PDE9A: variants seen among roughly 807,000 people sequenced by gnomAD.
PDE9A encodes the protein phosphodiesterase 9A.
A neutral mutation model predicts 87.4 loss-of-function variants in PDE9A; 60 were observed. The observed-to-expected ratio is 0.69, with a 90% CI of 0.56 to 0.85. PDE9A has a LOEUF of 0.85. Among genes scored for constraint, PDE9A ranks in the 40% least tolerant of loss-of-function variants. PDE9A has a pLI of 0.00. For synonymous variants in PDE9A, 272 were observed against 279.4 expected (o/e 0.97, Z 0.27); for missense variants, 665 against 779.0 (o/e 0.85, Z 1.74).
Position 42,772,534 on chromosome 21 carries a change from T to G in PDE9A, c.1768+14T>G. On this transcript the variant is annotated intron_variant, in intron 19 of 19. Coordinates refer to ENST00000291539, the MANE Select transcript of PDE9A (RefSeq NM_002606.3). Reference sequence around the variant, plus strand: ...AAAACAGTGAAGGTAATGCTTGCTCTGCTGAAGTGGCATCTCAGCGCATAC... The same window carrying G: ...AAAACAGTGAAGGTAATGCTTGCTCGGCTGAAGTGGCATCTCAGCGCATAC... 4 of 1,552,614 alleles carry G rather than the reference T, an allele frequency of 2.6e-6. No homozygotes were observed. Among genetic ancestry groups the G allele is most frequent in the Non-Finnish European group, 3.5e-6 (4 of 1,133,068 alleles).
Position 42,711,365 on chromosome 21 carries a change from C to T in PDE9A, c.262+12354C>T, listed in dbSNP as rs184905092. ...TCCCGGGTTCAAGTGATTCTCCTGCCTCAGGCTCCCGAGTAACTAGGATTA... is the reference window on the plus strand; with the variant it reads ...TCCCGGGTTCAAGTGATTCTCCTGCTTCAGGCTCCCGAGTAACTAGGATTA... On this transcript the variant is annotated intron_variant, in intron 4 of 19. Coordinates refer to ENST00000291539, the MANE Select transcript of PDE9A (RefSeq NM_002606.3). Among the ~76,000 whole-genome samples the T allele has an allele frequency of 1.0e-3, 158 of 152,132 alleles. 1 individual carries two copies. The East Asian group carries it at 0.025, about 24-fold the overall frequency.
chr21:42,735,100 C>T (rs1022596606), intron 7 of PDE9A, among the ~76,000 whole-genome samples: 8 of 152,228 alleles, frequency 5.3e-5, no homozygotes, highest in African/African-American at 1.7e-4. Context: ...CCCAGGAAGG[C>T]TTGGGAACAG....
At position 42,704,829 on chromosome 21, in the gene PDE9A, C is replaced by T. The variant is rs2048691531; in HGVS notation, c.262+5818C>T. Among the ~76,000 whole-genome samples the T allele has an allele frequency of 6.6e-6, 1 of 152,266 alleles. No individual in the cohort carries two copies. Among genetic ancestry groups the T allele is most frequent in the South Asian group, 2.1e-4 (1 of 4,838 alleles). On this transcript the variant is annotated intron_variant, in intron 4 of 19. Transcript: ENST00000291539. This position sits in a 1 kb window ranked among gnomAD's most constrained non-coding sequence, Gnocchi z 5.3. Reference sequence around the variant, plus strand: ...CAGCCTTTCCCAAGGCCCTGGGTTCCTCACTGATTCTCAGCAGGTTTCAGT... The same window carrying T: ...CAGCCTTTCCCAAGGCCCTGGGTTCTTCACTGATTCTCAGCAGGTTTCAGT...
chr21:42,765,000 T>TGGAC (rs1179313989), intron 14 of PDE9A, among the ~76,000 whole-genome samples: 5 of 135,744 alleles, frequency 3.7e-5, no homozygotes, highest in African/African-American at 1.5e-4. Context: ...GATGGATGGA[T>TGGAC]GGATGGATGG....
chr21:42,657,569 C>T (rs531768670), intron 1 of PDE9A, among the ~76,000 whole-genome samples: 1 of 152,376 alleles, frequency 6.6e-6, no homozygotes, highest in African/African-American at 2.4e-5. Context: ...AGGGTTTGCT[C>T]AGCTGAGCTG....
At chr21:42,677,489 G>A (rs73229550) in intron 1 of PDE9A, among the ~76,000 whole-genome samples, 11,659 of 152,190 alleles carry the variant, frequency 0.077, 681 homozygotes, top group East Asian at 0.33. Flanking sequence ...AGCCAGCCTT[G>A]CAGAGAGGGC....
Position 42,731,778 on chromosome 21 carries a change from G to T in PDE9A, c.271G>T (p.Glu91Ter). The T allele has an allele frequency of 6.2e-7, 1 of 1,612,148 alleles. No individual in the cohort carries two copies. Among genetic ancestry groups the T allele is most frequent in the Non-Finnish European group, 8.5e-7 (1 of 1,179,282 alleles). The change falls in exon 5 of 20, where the codon GAG (glutamate) becomes TAG (stop). Residue 91 changes from glutamate to a stop codon, truncating the protein, a stop_gained. Coordinates refer to ENST00000291539, the MANE Select transcript of PDE9A (RefSeq NM_002606.3). LOFTEE classifies it high-confidence loss of function. The part of the protein sequence containing the change: ...VAIKQLSAGV[E>*]DKRTTSRGQS... The stretch of plus-strand genomic sequence containing the variant: ...CTGCCTGCTTTTTATAGCTGGTGTC[G>T]AGGACAAGAGAACCACAAGCCGTGG...
intron 4 of PDE9A, among the ~76,000 whole-genome samples, chr21:42,707,310 G>T (rs1251922533): frequency 6.6e-6 from 1 of 152,130 alleles, no homozygotes; most frequent in Non-Finnish European, 1.5e-5. Flanking sequence ...TGGGTGGGAG[G>T]TCCCTTACCC....
intron 3 of PDE9A, among the ~76,000 whole-genome samples, chr21:42,693,838 C>T (rs530601814): frequency 6.6e-6 from 1 of 150,898 alleles, no homozygotes; most frequent in East Asian, 2.0e-4. Flanking sequence ...GTGATCCGCC[C>T]ACCTCAGCCT....
In PDE9A at chr21:42,659,330, T is replaced by C. The variant is rs1031480758; in HGVS notation, c.69+5447T>C. Among the ~76,000 whole-genome samples, 1 of 152,190 alleles carries C rather than the reference T, an allele frequency of 6.6e-6. No homozygotes were observed. The highest frequency in any genetic ancestry group is 6.5e-5 in the Admixed American group (1 of 15,278). ...CTGGAAACCTCTCAGACTAAACCAA[T>C]GCCGCCCAATCTGGGAATCCAGGAG... On this transcript the variant is annotated intron_variant, in intron 1 of 19. Coordinates refer to ENST00000291539, the MANE Select transcript of PDE9A (RefSeq NM_002606.3). The surrounding 1 kb of genome is among the most constrained non-coding windows in gnomAD (Gnocchi z 4.1).
chr21:42,685,576 C>T (rs1454967770), intron 1 of PDE9A, among the ~76,000 whole-genome samples: 2 of 150,956 alleles, frequency 1.3e-5, no homozygotes, highest in Admixed American at 6.6e-5. Context: ...AAGCGATTCT[C>T]CCGGCTCAGC....
In PDE9A at chr21:42,726,068, G is replaced by A. The variant is rs563052598; in HGVS notation, c.263-5702G>A. ...GTAACTGGCATTTCCTAATGGCCGA[G>A]TGGCTCTCAGCATCTCTTCATGGGC... On this transcript the variant is annotated intron_variant, in intron 4 of 19. Transcript: ENST00000291539. Among the ~76,000 whole-genome samples the A allele has an allele frequency of 2.6e-5, 4 of 152,316 alleles. No individual in the cohort carries two copies. In the East Asian group the frequency reaches 7.7e-4, roughly 29 times the overall value.
At chr21:42,752,844 A>G (rs2054578793) in intron 9 of PDE9A, among the ~76,000 whole-genome samples, 2 of 152,230 alleles carry the variant, frequency 1.3e-5, no homozygotes, top group Non-Finnish European at 2.9e-5. Context: ...TGATGTCCTC[A>G]GAAGCAACCC....
rs766130628 is a variant in PDE9A, at chr21:42,760,417, G to A, written c.987G>A (p.Trp329Ter). ...CCCAGATGATGTACAGCATGGTCTG[G>A]CTCTGCAGTCTCCAGGTGGGTCCTG... ...CVAQMMYSMV[W>*]LCSLQEKFSQ... The change falls in exon 12 of 20, where the codon TGG (tryptophan) becomes TGA (stop). Residue 329 changes from tryptophan (W) to a stop codon, truncating the protein, a stop_gained. Coordinates refer to ENST00000291539, the MANE Select transcript of PDE9A (RefSeq NM_002606.3). LOFTEE classifies it high-confidence loss of function. The surrounding 1 kb of genome is among the most constrained non-coding windows in gnomAD (Gnocchi z 5.2). 3 of 1,602,200 alleles carry A rather than the reference G, an allele frequency of 1.9e-6. No individual in the cohort carries two copies. The highest frequency in any genetic ancestry group is 2.6e-6 in the Non-Finnish European group (3 of 1,174,908).
intron 3 of PDE9A, among the ~76,000 whole-genome samples, chr21:42,697,807 C>T (rs1214375795): frequency 1.3e-5 from 2 of 152,308 alleles, no homozygotes; most frequent in East Asian, 3.9e-4. Flanking sequence ...CAAGGCCCTA[C>T]CTCCTAATCT....
At chr21:42,715,675 A>G (rs1333652769) in intron 4 of PDE9A, among the ~76,000 whole-genome samples, 1 of 151,760 alleles carries the variant, frequency 6.6e-6, no homozygotes, top group Non-Finnish European at 1.5e-5. Context: ...CAACATTGAC[A>G]TATCCTTATC....
At chr21:42,668,793 C>T (rs1435329273) in intron 1 of PDE9A, among the ~76,000 whole-genome samples, 1 of 151,980 alleles carries the variant, frequency 6.6e-6, no homozygotes, top group East Asian at 1.9e-4. Context: ...CAGCTCTGAG[C>T]GTGACCTGGA....
At chr21:42,699,038 C>T in intron 4 of PDE9A, 27 bp downstream of exon 4, 2 of 1,519,578 alleles carry the variant, frequency 1.3e-6, no homozygotes, top group Non-Finnish European at 1.8e-6. Flanking sequence ...GTTTTTTAAA[C>T]TAAAAGAAGG....
Position 42,696,988 on chromosome 21 carries a change from C to A in PDE9A, c.219-1980C>A, listed in dbSNP as rs754503587. ...TGGGGAGAAATGAGCCCTCCAGTGC[C>A]AAATGACCCACCACTAAAAGGCCTT... On this transcript the variant is annotated intron_variant, in intron 3 of 19. Coordinates refer to ENST00000291539, the MANE Select transcript of PDE9A (RefSeq NM_002606.3). This position sits in a 1 kb window ranked among gnomAD's most constrained non-coding sequence, Gnocchi z 5.1. Among the ~76,000 whole-genome samples the A allele has an allele frequency of 2.0e-5, 3 of 152,206 alleles. No homozygotes were observed. Among genetic ancestry groups the A allele is most frequent in the Non-Finnish European group, 4.4e-5 (3 of 68,036 alleles).
Sources: gnomAD v4.1 joint callset for allele counts (sites outside exome capture counted in the v4.1 genomes callset) on GRCh38, gnomAD v4.1.1 for gene constraint, Gnocchi (gnomAD v3.1) non-coding constraint, MANE v1.5 for transcripts, NCBI Gene and HGNC (gene_info 2026-07-23, HGNC 2026-07-21) for gene names.